The following BLACAT1 variants were observed in gnomAD, a reference collection of about 807,000 sequenced individuals.
BLACAT1 encodes bladder cancer associated transcript 1.
intron 1 of BLACAT1, among the ~76,000 whole-genome samples, chr1:205,446,755 TC>T (rs1666395649): frequency 6.6e-6 from 1 of 152,130 alleles, no homozygotes; most frequent in South Asian, 2.1e-4. Flanking sequence ...GTGCCAGCCA[TC>T]TCTGAACTCT....
chr1:205,453,960 C>T (rs1666530356), intron 1 of BLACAT1, among the ~76,000 whole-genome samples: 1 of 152,234 alleles, frequency 6.6e-6, no homozygotes, highest in Admixed American at 6.5e-5. Context: ...TGCCCCCACC[C>T]CTTTTCTTCC....
At chr1:205,438,116 C>T (rs1419254013), downstream of BLACAT1, among the ~76,000 whole-genome samples, 1 of 152,184 alleles carries the variant, frequency 6.6e-6, no homozygotes, top group Non-Finnish European at 1.5e-5. Context: ...CCCCAAGCAC[C>T]CTTCACACTT....
rs1053979337 is a variant in BLACAT1 at position 205,450,980 on chromosome 1, G to A, written c.-37+4937C>T. Among the ~76,000 whole-genome samples, 3 of 152,144 alleles carry A rather than the reference G, an allele frequency of 2.0e-5. No individual in the cohort carries two copies. Among genetic ancestry groups the A allele is most frequent in the Non-Finnish European group, 4.4e-5 (3 of 68,022 alleles). On this transcript the variant is annotated intron_variant, in intron 1 of 1. Transcript: ENST00000629624. The surrounding 1 kb of genome is among the most constrained non-coding windows in gnomAD (Gnocchi z 4.4). ...TCGAGGACTCCCTCTCCTCAAGATG[G>A]GGCCATGCCCACGATTCCTGTCTCC...
chr1:205,451,874 A>G (rs2102480532), intron 1 of BLACAT1, among the ~76,000 whole-genome samples: 1 of 152,334 alleles, frequency 6.6e-6, no homozygotes, highest in African/African-American at 2.4e-5. Flanking sequence ...GATGGAGGCT[A>G]CAACTTGCCT....
At chr1:205,451,919 G>A (rs540981075) in intron 1 of BLACAT1, among the ~76,000 whole-genome samples, 1 of 152,280 alleles carries the variant, frequency 6.6e-6, no homozygotes, top group Non-Finnish European at 1.5e-5. Flanking sequence ...GGAGAGGGTA[G>A]GAGAAGCCTG....
intron 1 of BLACAT1, among the ~76,000 whole-genome samples, chr1:205,443,276 T>C (rs544924089): frequency 2.9e-4 from 44 of 152,330 alleles, no homozygotes; most frequent in African/African-American, 1.1e-3. Flanking sequence ...GCTCAGGGTC[T>C]CTGGCCCCAG....
intron 1 of BLACAT1, among the ~76,000 whole-genome samples, chr1:205,446,640 T>G (rs1480707385): frequency 1.3e-5 from 2 of 152,076 alleles, no homozygotes; most frequent in Non-Finnish European, 2.9e-5. Flanking sequence ...GATCAGGAGT[T>G]AAGGGAAGGA....
chr1:205,443,443 G>T (rs1337444119), intron 1 of BLACAT1, among the ~76,000 whole-genome samples: 2 of 152,132 alleles, frequency 1.3e-5, no homozygotes, highest in Non-Finnish European at 2.9e-5. Context: ...GCTTGTCACT[G>T]TAGGGAAGGA....
chr1:205,455,068 C>T (rs1454579087), intron 1 of BLACAT1, among the ~76,000 whole-genome samples: 1 of 152,098 alleles, frequency 6.6e-6, no homozygotes, highest in Non-Finnish European at 1.5e-5. Context: ...TCTTGTTCCC[C>T]GGGGGCACCC....
chr1:205,450,404 CAGG>C lies in BLACAT1; in HGVS notation c.-37+5510_-37+5512del, dbSNP rs1221969543. On this transcript the variant is annotated intron_variant, in intron 1 of 1. Coordinates refer to ENST00000629624, the Ensembl canonical transcript of BLACAT1. The surrounding 1 kb of genome is among the most constrained non-coding windows in gnomAD (Gnocchi z 4.4). ...AGCTTTTTTATAGTTTAATTTTTGG[CAGG>C]AGACCTGAGACGGCTCCCTGCAGGC... Among the ~76,000 whole-genome samples the C allele has an allele frequency of 2.1e-5, 3 of 144,248 alleles. No individual in the cohort carries two copies. The highest frequency in any genetic ancestry group is 7.6e-5 in the African/African-American group (3 of 39,668). 94.6% of individuals were successfully genotyped at this position (144,248 alleles called of 152,430 possible).
At chr1:205,449,457 G>A (rs1322924493) in intron 1 of BLACAT1, among the ~76,000 whole-genome samples, 1 of 151,982 alleles carries the variant, frequency 6.6e-6, no homozygotes, top group African/African-American at 2.4e-5. Context: ...GGGAGTAGCT[G>A]CCTCTCCCAC....
In BLACAT1 at chr1:205,441,810, C is replaced by T. The variant is rs10900491; in HGVS notation, c.-36-748G>A. Among the ~76,000 whole-genome samples the T allele has an allele frequency of 5.3e-4, 81 of 152,304 alleles. No homozygotes were observed. In the East Asian group the frequency reaches 0.013, roughly 25 times the overall value. Reference sequence around the variant, plus strand: ...TAAAGACATGGTTTCTTCCCTGGCACATAAGTCTGAGGTAGAGGCTGAGGC... The same window carrying T: ...TAAAGACATGGTTTCTTCCCTGGCATATAAGTCTGAGGTAGAGGCTGAGGC... On this transcript the variant is annotated intron_variant, in intron 1 of 1. Coordinates refer to ENST00000629624, the Ensembl canonical transcript of BLACAT1. This position sits in a 1 kb window ranked among gnomAD's most constrained non-coding sequence, Gnocchi z 4.3.
Position 205,448,405 on chromosome 1 carries a change from T to A in BLACAT1, c.-36-7343A>T, listed in dbSNP as rs757785975. 1.9e-6 allele frequency: 1 copy of A among 533,386 alleles called. No homozygotes were observed. Among genetic ancestry groups the A allele is most frequent in the South Asian group, 1.4e-5 (1 of 71,440 alleles). 33.0% of individuals were successfully genotyped at this position (533,386 alleles called of 1,614,324 possible). A position where few individuals can be genotyped will look rare whatever the true frequency, so the allele number is the denominator to read the frequency against. The stretch of plus-strand genomic sequence containing the variant: ...CATAGGCCACAGCAGAGTGGAGGGG[T>A]CCAGCGGCAGGAATCTCATAGGGAA... On this transcript the variant is annotated intron_variant, in intron 1 of 1. Transcript: ENST00000629624. This position sits in a 1 kb window ranked among gnomAD's most constrained non-coding sequence, Gnocchi z 4.7.
At chr1:205,444,954 C>A (rs545122614) in intron 1 of BLACAT1, among the ~76,000 whole-genome samples, 1 of 151,098 alleles carries the variant, frequency 6.6e-6, no homozygotes, top group African/African-American at 2.4e-5. Flanking sequence ...GTGCCCTCGA[C>A]GCCTCTAGAA....
At chr1:205,437,710 G>T (rs949791363), downstream of BLACAT1, 6 of 152,162 alleles carry the variant, frequency 3.9e-5, no homozygotes, top group African/African-American at 1.4e-4. Flanking sequence ...ACAGAGCCCT[G>T]GACTCCAAAG....
chr1:205,450,278 A>G lies in BLACAT1; in HGVS notation c.-37+5639T>C, dbSNP rs750462884. ...ACTCCCTCTGAACCAGCCATGTATT[A>G]CTCACGTCCCCCTGCCGGGCTATTG... On this transcript the variant is annotated intron_variant, in intron 1 of 1. Transcript: ENST00000629624. The surrounding 1 kb of genome is among the most constrained non-coding windows in gnomAD (Gnocchi z 4.4). 5.3e-5 allele frequency among the ~76,000 whole-genome samples: 8 copies of G among 150,730 alleles called. No homozygotes were observed. Among genetic ancestry groups the G allele is most frequent in the Admixed American group, 2.6e-4 (4 of 15,178 alleles).
chr1:205,452,754 G>A lies in BLACAT1; in HGVS notation c.-37+3163C>T, dbSNP rs1462958412. On this transcript the variant is annotated intron_variant, in intron 1 of 1. Transcript: ENST00000629624. ...GACCTGCCTTTGCCTATGGTGGAAGGGAACCAGGACATTAGGAAGATACTA... is the reference window on the plus strand; with the variant it reads ...GACCTGCCTTTGCCTATGGTGGAAGAGAACCAGGACATTAGGAAGATACTA... Among the ~76,000 whole-genome samples, 3 of 152,106 alleles carry A rather than the reference G, an allele frequency of 2.0e-5. No individual in the cohort carries two copies. The East Asian group carries it at 5.8e-4, about 29-fold the overall frequency.
exon 1 of BLACAT1, chr1:205,456,039 C>G (rs987406116): frequency 6.6e-6 from 1 of 152,188 alleles, no homozygotes; most frequent in African/African-American, 2.4e-5. Flanking sequence ...GCTGTAGCTT[C>G]CAGTGGAGAA....
Position 205,448,369 on chromosome 1 carries a change from G to A in BLACAT1, c.-36-7307C>T. ...TGAGTTTGGGACAGCAATCACATAG[G>A]AATGAAAAGCCATAGGCCACAGCAG... On this transcript the variant is annotated intron_variant, in intron 1 of 1. Transcript: ENST00000629624. This position sits in a 1 kb window ranked among gnomAD's most constrained non-coding sequence, Gnocchi z 4.7. 1 of 534,586 alleles carries A rather than the reference G, an allele frequency of 1.9e-6. No individual in the cohort carries two copies. The highest frequency in any genetic ancestry group is 3.8e-6 in the Non-Finnish European group (1 of 260,002). The allele number at this position is 534,586 out of a possible 1,614,324, so 33.1% of individuals were successfully genotyped here. A position where few individuals can be genotyped will look rare whatever the true frequency, so the allele number is the denominator to read the frequency against.
Sources: allele counts gnomAD v4.1 joint callset (sites outside exome capture counted in the v4.1 genomes callset), GRCh38; gene constraint gnomAD v4.1.1; non-coding constraint Gnocchi (gnomAD v3.1); transcripts MANE v1.5; gene names NCBI Gene and HGNC (gene_info 2026-07-23, HGNC 2026-07-21).